PTPRD: variants seen among roughly 807,000 people sequenced by gnomAD.
The protein encoded by PTPRD is protein tyrosine phosphatase receptor type D, also known as receptor-type tyrosine-protein phosphatase delta.
PTPRD carries 34 observed loss-of-function variants against 214.5 expected under a neutral mutation model. The ratio of observed to expected loss-of-function variants is 0.16; its 90% CI spans 0.12 to 0.21. The LOEUF (loss-of-function observed/expected upper bound fraction) is 0.21, where lower values mean the gene tolerates loss of function less well. PTPRD is among the 10% of genes least tolerant of loss of function. The pLI is 1.00. For synonymous variants in PTPRD, 1,128 were observed against 845.7 expected, an observed-to-expected ratio of 1.33 and a Z score of -5.79; for missense variants, 2,545 against 2,398.7, an observed-to-expected ratio of 1.06 and a Z score of -1.27.
intron 11 of PTPRD, among the ~76,000 whole-genome samples, chr9:8,819,712 C>T (rs1258150322): frequency 6.6e-6 from 1 of 152,128 alleles, no homozygotes; most frequent in East Asian, 1.9e-4. Context: ...TTCTACATTA[C>T]ATTTTAGGCA....
intron 2 of PTPRD, among the ~76,000 whole-genome samples, chr9:10,582,008 G>A (rs899751395): frequency 1.3e-5 from 2 of 152,120 alleles, no homozygotes; most frequent in African/African-American, 4.8e-5. Flanking sequence ...TTCTGAAGTT[G>A]GAAATTTGGG....
chr9:9,482,168 G>A (rs2147146675), intron 8 of PTPRD, among the ~76,000 whole-genome samples: 1 of 152,022 alleles, frequency 6.6e-6, no homozygotes, highest in South Asian at 2.1e-4. Flanking sequence ...TTGGGGAGAG[G>A]TGGGGTGCTG....
At chr9:10,380,808 G>C (rs1586750512) in intron 2 of PTPRD, among the ~76,000 whole-genome samples, 1 of 151,822 alleles carries the variant, frequency 6.6e-6, no homozygotes. Flanking sequence ...TTCCTAGTTT[G>C]ATACCTAGAT....
intron 2 of PTPRD, among the ~76,000 whole-genome samples, chr9:10,499,670 C>T (rs1296526648): frequency 6.6e-6 from 1 of 151,570 alleles, no homozygotes; most frequent in East Asian, 1.9e-4. Flanking sequence ...TAATCAAATC[C>T]CAGATGTGAA....
intron 2 of PTPRD, among the ~76,000 whole-genome samples, chr9:10,610,181 C>G (rs142908770): frequency 9.3e-4 from 141 of 152,216 alleles, no homozygotes; most frequent in African/African-American, 3.0e-3. Context: ...ACAATTTAAT[C>G]ACCCATCCTG....
At chr9:9,481,217 T>C (rs1378098722) in intron 8 of PTPRD, among the ~76,000 whole-genome samples, 4 of 152,110 alleles carry the variant, frequency 2.6e-5, no homozygotes, top group African/African-American at 9.7e-5. Context: ...TTAGTATTTA[T>C]TACCTAGTAA....
chr9:9,202,990 C>G (rs1432669503), intron 9 of PTPRD, among the ~76,000 whole-genome samples: 1 of 152,194 alleles, frequency 6.6e-6, no homozygotes, highest in Non-Finnish European at 1.5e-5. Flanking sequence ...ATTCTCACAT[C>G]AACCGTCTTT....
Position 8,492,971 on chromosome 9 carries a change from G to A in PTPRD, c.2358C>T (p.Ile786=), listed in dbSNP as rs2097181301. ...AAGTTTCAGGCTGGAGCCCAGAAATGATCATGTCCTGAAATGACAAAATAG... is the reference window on the plus strand; with the variant it reads ...AAGTTTCAGGCTGGAGCCCAGAAATAATCATGTCCTGAAATGACAAAATAG... ...EFDDTTEHDM[I]ISGLQPETSY... The change falls in exon 27 of 46, where the codon ATC becomes ATT. Residue 786 remains isoleucine (I), a synonymous_variant. Transcript: ENST00000381196. 2.5e-6 allele frequency: 4 copies of A among 1,611,902 alleles called. No individual in the cohort carries two copies. Among genetic ancestry groups the A allele is most frequent in the Middle Eastern group, 1.6e-4 (1 of 6,064 alleles).
chr9:9,877,973 CAAAAAAAAAA>C lies in PTPRD; in HGVS notation c.-368+60524_-368+60533del, dbSNP rs758528718. Among the ~76,000 whole-genome samples, 5 of 70,658 alleles carry C rather than the reference CAAAAAAAAAA, an allele frequency of 7.1e-5. No individual in the cohort carries two copies. In the East Asian group the frequency reaches 1.1e-3, roughly 16 times the overall value. The allele number at this position is 70,658 out of a possible 152,430, so 46.4% of individuals were successfully genotyped here. A position where few individuals can be genotyped will look rare whatever the true frequency, so the allele number is the denominator to read the frequency against. ...GGGCAACAATAGCAAAACTCCATCT[CAAAAAAAAAA>C]AAAAAAAAAAAATGCATGTTTGCCC... is the stretch of plus-strand genomic sequence containing the variant. On this transcript the variant is annotated intron_variant, in intron 5 of 45. Transcript: ENST00000381196.
intron 3 of PTPRD, among the ~76,000 whole-genome samples, chr9:10,205,197 G>A (rs2099463732): frequency 6.6e-6 from 1 of 151,628 alleles, no homozygotes; most frequent in South Asian, 2.1e-4. Flanking sequence ...CATCTTTCTT[G>A]TAGGATTTAT....
At chr9:9,231,138 T>C (rs563966687) in intron 9 of PTPRD, among the ~76,000 whole-genome samples, 53 of 152,276 alleles carry the variant, frequency 3.5e-4, no homozygotes, top group African/African-American at 1.3e-3. Context: ...AACAGGCTTA[T>C]ATCTGCACTG....
chr9:9,472,117 T>C (rs1314422023), intron 8 of PTPRD, among the ~76,000 whole-genome samples: 2 of 152,138 alleles, frequency 1.3e-5, no homozygotes, highest in Non-Finnish European at 2.9e-5. Flanking sequence ...CTTATCATTT[T>C]AATTACAAAA....
chr9:9,242,311 C>T (rs1006107292), intron 9 of PTPRD, among the ~76,000 whole-genome samples: 1 of 152,112 alleles, frequency 6.6e-6, no homozygotes, highest in Non-Finnish European at 1.5e-5. Flanking sequence ...GTGAATCTGA[C>T]AATTATGTGT....
At chr9:9,195,287 A>C (rs1254240236) in intron 9 of PTPRD, among the ~76,000 whole-genome samples, 1 of 152,034 alleles carries the variant, frequency 6.6e-6, no homozygotes, top group Non-Finnish European at 1.5e-5. Context: ...CACAAACAAC[A>C]TTTAGTTGAA....
At chr9:9,853,865 T>A (rs1419923141) in intron 5 of PTPRD, among the ~76,000 whole-genome samples, 1 of 152,164 alleles carries the variant, frequency 6.6e-6, no homozygotes, top group Non-Finnish European at 1.5e-5. Context: ...CAGTTATTTT[T>A]AAAATGAATA....
At chr9:8,788,835 A>G (rs2096105518) in intron 11 of PTPRD, among the ~76,000 whole-genome samples, 1 of 152,232 alleles carries the variant, frequency 6.6e-6, no homozygotes, top group Admixed American at 6.5e-5. Context: ...TGCAATGTGC[A>G]GTACAACTTT....
At chr9:10,297,311 A>G (rs2095709032) in intron 3 of PTPRD, among the ~76,000 whole-genome samples, 1 of 151,860 alleles carries the variant, frequency 6.6e-6, no homozygotes, top group South Asian at 2.1e-4. Flanking sequence ...CATATAAATA[A>G]AAATAAATTA....
chr9:9,456,055 A>T (rs1389468976), intron 8 of PTPRD, among the ~76,000 whole-genome samples: 1 of 151,884 alleles, frequency 6.6e-6, no homozygotes, highest in Non-Finnish European at 1.5e-5. Context: ...ATTAAAGAAA[A>T]TACTAATCCA....
rs545059416 is a variant in PTPRD, at chr9:8,659,483, C to T, written c.65-22639G>A. On this transcript the variant is annotated intron_variant, in intron 12 of 45. Transcript: ENST00000381196. ...ATACTACTACTAAATAAAAACCAGT[C>T]AAGAGGAAAGGTTTCTAACCCTCTC... 2.0e-5 allele frequency among the ~76,000 whole-genome samples: 3 copies of T among 152,304 alleles called. No individual in the cohort carries two copies. The South Asian group carries it at 6.2e-4, about 32-fold the overall frequency.
Sources: gnomAD v4.1 joint callset for allele counts (sites outside exome capture counted in the v4.1 genomes callset) on GRCh38, gnomAD v4.1.1 for gene constraint, MANE v1.5 for transcripts, NCBI Gene and HGNC (gene_info 2026-07-23, HGNC 2026-07-21) for gene names.